The following NBR1 variants were observed in gnomAD, a reference collection of about 807,000 sequenced individuals.
NBR1 encodes NBR1 autophagy cargo receptor.
A neutral mutation model predicts 115.5 loss-of-function variants in NBR1; 59 were observed. That is an observed-to-expected ratio of 0.51 (90% confidence interval 0.41 to 0.63). The LOEUF (loss-of-function observed/expected upper bound fraction) is 0.63, where lower values mean the gene tolerates loss of function less well. Ranked by LOEUF, NBR1 falls within the 30% of genes least tolerant of loss-of-function variation. The pLI, the probability that NBR1 is intolerant of heterozygous loss-of-function variation, is 0.00. For synonymous variants in NBR1, 373 were observed against 414.7 expected (o/e 0.90, Z 1.22); for missense variants, 1,043 against 1,150.5 (o/e 0.91, Z 1.35).
In NBR1 at chr17:43,210,113, G is replaced by GATGATC; in HGVS notation, c.*40_*45dup. The stretch of plus-strand genomic sequence containing the variant: ...ATTAAATAACTGCCTGCTGCTCAGA[G>GATGATC]ATGATCTTTATTCTGTCATTGGGGT... On this transcript the variant is annotated 3_prime_UTR_variant, in exon 21 of 21. Transcript: ENST00000590996. 6.3e-7 allele frequency: 1 copy of GATGATC among 1,576,228 alleles called. No individual in the cohort carries two copies. Among genetic ancestry groups the GATGATC allele is most frequent in the Non-Finnish European group, 8.6e-7 (1 of 1,158,062 alleles).
At chr17:43,196,413 C>A in intron 14 of NBR1, 68 bp from the exon 15 acceptor site, 1 of 974,152 alleles carries the variant, frequency 1.0e-6, no homozygotes, top group Non-Finnish European at 1.5e-6. Context: ...ACTGCTACTT[C>A]TGGACACTGA....
chr17:43,197,215 T>C, intron 16 of NBR1, 109 bp downstream of exon 16: 4 of 1,108,312 alleles, frequency 3.6e-6, no homozygotes, highest in Non-Finnish European at 5.2e-6. Context: ...GGGAGAGTGA[T>C]CTTAGTTAGA....
chr17:43,210,080 G>T lies in NBR1; in HGVS notation c.*6G>T. The stretch of plus-strand genomic sequence containing the variant: ...GGTACAGCCAACGCTATTGAGGAGT[G>T]ACCTTGTATTAAATAACTGCCTGCT... On this transcript the variant is annotated 3_prime_UTR_variant, in exon 21 of 21. Coordinates refer to ENST00000590996, the MANE Select transcript of NBR1 (RefSeq NM_005899.5). 1 of 1,603,126 alleles carries T rather than the reference G, an allele frequency of 6.2e-7. No individual in the cohort carries two copies. The highest frequency in any genetic ancestry group is 8.5e-7 in the Non-Finnish European group (1 of 1,174,474).
chr17:43,182,927 C>A (rs2056708765), intron 5 of NBR1, among the ~76,000 whole-genome samples: 2 of 151,738 alleles, frequency 1.3e-5, no homozygotes, highest in African/African-American at 2.4e-5. Context: ...CCATGCCCAG[C>A]TAATTTTTGT....
intron 5 of NBR1, among the ~76,000 whole-genome samples, chr17:43,181,438 G>A (rs916465283): frequency 3.9e-5 from 6 of 152,178 alleles, no homozygotes; most frequent in African/African-American, 4.8e-5. Context: ...TTGGGAGGCC[G>A]AGGTGGGTGG....
At chr17:43,200,136 C>T in intron 16 of NBR1, 31 bp from the exon 17 acceptor site, 1 of 1,507,306 alleles carries the variant, frequency 6.6e-7, no homozygotes, top group Non-Finnish European at 8.9e-7. Context: ...TTTTAGCTTC[C>T]ACCTTAAAAT....
chr17:43,182,211 C>CATTTTT (rs2056686740), intron 5 of NBR1, among the ~76,000 whole-genome samples: 1 of 71,570 alleles, frequency 1.4e-5, no homozygotes, highest in Admixed American at 2.3e-4. Context: ...CTGTTCTCTC[C>CATTTTT]TTTTTTTTTT....
intron 8 of NBR1, 33 bp from the exon 9 acceptor site, chr17:43,190,576 G>T: frequency 6.4e-7 from 1 of 1,552,444 alleles, no homozygotes; most frequent in Non-Finnish European, 8.7e-7. Flanking sequence ...TTCCTATTCT[G>T]CCATTGTGTA....
At chr17:43,198,576 C>T (rs531299721) in intron 16 of NBR1, among the ~76,000 whole-genome samples, 6 of 151,788 alleles carry the variant, frequency 4.0e-5, no homozygotes, top group South Asian at 2.1e-4. Flanking sequence ...TGCTTGAACC[C>T]GGGAAGCCAA....
At chr17:43,195,404 C>T (rs1403954838) in intron 14 of NBR1, 1 of 255,060 alleles carries the variant, frequency 3.9e-6, no homozygotes, top group Non-Finnish European at 7.6e-6. Context: ...GTAATCCCAG[C>T]ACTTTGGGAG....
chr17:43,200,270 T>TGAGGAGGAG lies in NBR1; in HGVS notation c.2136_2144dup (p.Glu712_Glu714dup). On this transcript the variant is annotated inframe_insertion, in exon 17 of 21. Coordinates refer to ENST00000590996, the MANE Select transcript of NBR1 (RefSeq NM_005899.5). Reference sequence around the variant, plus strand: ...TGGAGGAGGAGGAGGATGAGGAGGATGAGGAGGAGGAGGATGAGCTCAAAG... The same window carrying TGAGGAGGAG: ...TGGAGGAGGAGGAGGATGAGGAGGATGAGGAGGAGGAGGAGGAGGAGGATGAGCTCAAAG... The TGAGGAGGAG allele has an allele frequency of 1.9e-6, 3 of 1,550,646 alleles. No individual in the cohort carries two copies. The highest frequency in any genetic ancestry group is 2.6e-6 in the Non-Finnish European group (3 of 1,146,068).
intron 4 of NBR1, 123 bp downstream of exon 4, chr17:43,179,535 C>A: frequency 1.1e-6 from 1 of 898,800 alleles, no homozygotes; most frequent in Non-Finnish European, 1.8e-6. Context: ...CACTGATGGA[C>A]ATTAGTTACC....
chr17:43,196,399 A>C, intron 14 of NBR1, 82 bp from the exon 15 acceptor site: 1 of 842,192 alleles, frequency 1.2e-6, no homozygotes, highest in Non-Finnish European at 1.8e-6. Context: ...CAAGAAGCCT[A>C]CAAACTGCTA....
intron 18 of NBR1, among the ~76,000 whole-genome samples, 190 bp from the exon 19 acceptor site, chr17:43,202,465 C>T (rs962972676): frequency 6.6e-6 from 1 of 151,564 alleles, no homozygotes; most frequent in African/African-American, 2.4e-5. Context: ...TCTTGCATTG[C>T]ATTTCTGGAC....
rs138364475 is a variant in NBR1 at position 43,194,239 on chromosome 17, T to C, written c.1525-111T>C. ...CTGTAAAAATATATCAAAAACATTG[T>C]TTTTTAAAATATGGAGGTACAGCAG... On this transcript the variant is annotated intron_variant, in intron 12 of 20. Coordinates refer to ENST00000590996, the MANE Select transcript of NBR1 (RefSeq NM_005899.5). The C allele has an allele frequency of 2.5e-3, 2,570 of 1,009,272 alleles. 40 individuals are homozygous for C. The African/African-American group carries it at 0.037, about 14-fold the overall frequency. 62.5% of individuals were successfully genotyped at this position (1,009,272 alleles called of 1,614,324 possible).
Position 43,175,524 on chromosome 17 carries a change from A to G in NBR1, c.-9-267A>G, listed in dbSNP as rs2056490261. On this transcript the variant is annotated intron_variant, in intron 1 of 20. Transcript: ENST00000590996. ...ATGTTTCCAACATGTGGAAGTTCCTAATAACTTCAAGAATAATTTTTGTGA... is the reference window on the plus strand; with the variant it reads ...ATGTTTCCAACATGTGGAAGTTCCTGATAACTTCAAGAATAATTTTTGTGA... Among the ~76,000 whole-genome samples the G allele has an allele frequency of 2.0e-5, 3 of 152,204 alleles. No individual in the cohort carries two copies. The South Asian group carries it at 6.2e-4, about 32-fold the overall frequency.
intron 16 of NBR1, among the ~76,000 whole-genome samples, chr17:43,199,520 G>A (rs548001427): frequency 5.2e-4 from 79 of 152,038 alleles, no homozygotes; most frequent in African/African-American, 1.7e-3. Flanking sequence ...CACTACAGGC[G>A]CCCGCCACCA....
At chr17:43,201,929 C>G (rs1437247482) in intron 18 of NBR1, 149 bp downstream of exon 18, 2 of 593,728 alleles carry the variant, frequency 3.4e-6, no homozygotes, top group East Asian at 5.8e-5. Flanking sequence ...CCTGTAATCC[C>G]AACACTTTGG....
At position 43,210,006 on chromosome 17, in the gene NBR1, A is replaced by G. The variant is rs1461263499; in HGVS notation, c.2833A>G (p.Asn945Asp). ...ACGGCTGCTGAAGAAACACAATTAC[A>G]ATATCCTGCAGGTTGTGACAGAACT... The part of the protein sequence containing the change: ...NLRLLKKHNY[N>D]ILQVVTELLQ... Residue 945 changes from asparagine (N) to aspartate (D), a missense_variant, in exon 21 of 21, where the codon AAT becomes GAT. Coordinates refer to ENST00000590996, the MANE Select transcript of NBR1 (RefSeq NM_005899.5). 1 of 1,613,678 alleles carries G rather than the reference A, an allele frequency of 6.2e-7. No individual in the cohort carries two copies. The highest frequency in any genetic ancestry group is 8.5e-7 in the Non-Finnish European group (1 of 1,179,736).
Sources: gnomAD v4.1 joint callset for allele counts (sites outside exome capture counted in the v4.1 genomes callset) on GRCh38, gnomAD v4.1.1 for gene constraint, MANE v1.5 for transcripts, NCBI Gene and HGNC (gene_info 2026-07-23, HGNC 2026-07-21) for gene names.